PCDHGA1: variants seen among roughly 807,000 people sequenced by gnomAD.
PCDHGA1 encodes the protein protocadherin gamma-A1.
PCDHGA1 carries 32 observed loss-of-function variants against 58.0 expected under a neutral mutation model. The observed-to-expected ratio is 0.55, with a 90% CI of 0.42 to 0.74. The LOEUF is 0.74. Ranked by LOEUF, PCDHGA1 falls within the 30% of genes least tolerant of loss-of-function variation. The pLI, the probability that PCDHGA1 is intolerant of heterozygous loss-of-function variation, is 0.00. For synonymous variants in PCDHGA1, 498 were observed against 501.1 expected (o/e 0.99, Z 0.08); for missense variants, 1,205 against 1,182.3 (o/e 1.02, Z -0.28).
chr5:141,381,583 A>G (rs766567706), intron 1 of PCDHGA1, among the ~76,000 whole-genome samples: 1 of 152,214 alleles, frequency 6.6e-6, no homozygotes, highest in Non-Finnish European at 1.5e-5. Context: ...CAGCCAATCC[A>G]TTATCCAGTT....
At position 141,418,573 on chromosome 5, in the gene PCDHGA1, C is replaced by A. The variant is rs749104686; in HGVS notation, c.2422-76234C>A. 5.0e-6 allele frequency: 8 copies of A among 1,613,826 alleles called. No individual in the cohort carries two copies. The South Asian group carries it at 5.5e-5, about 11-fold the overall frequency. Reference sequence around the variant, plus strand: ...TCCTGGTAATAGATGCCAATGACAACCCCCCAGTGTTCAGCCAGGACGTGT... The same window carrying A: ...TCCTGGTAATAGATGCCAATGACAAACCCCCAGTGTTCAGCCAGGACGTGT... On this transcript the variant is annotated intron_variant, in intron 1 of 3. Transcript: ENST00000517417.
intron 1 of PCDHGA1, chr5:141,410,849 C>CTTTTTTTTTTTTTTGTTTTTTTT (rs2095434772): frequency 7.7e-6 from 1 of 129,786 alleles, no homozygotes; most frequent in Admixed American, 1.1e-4. Flanking sequence ...TTGTCTTTGT[C>CTTTTTTTTTTTTTTGTTTTTTTT]TTTTTTTTTT....
intron 1 of PCDHGA1, chr5:141,362,411 A>G (rs771689350): frequency 6.2e-7 from 1 of 1,614,004 alleles, no homozygotes; most frequent in Non-Finnish European, 8.5e-7. Context: ...GTTGCCTCAC[A>G]ATCAGCCAAG....
intron 1 of PCDHGA1, chr5:141,372,232 A>G: frequency 6.2e-7 from 1 of 1,613,396 alleles, no homozygotes; most frequent in Non-Finnish European, 8.5e-7. Context: ...CAGGCCAGCG[A>G]GCCCGGGCTG....
chr5:141,364,009 G>C (rs1763143334), intron 1 of PCDHGA1, among the ~76,000 whole-genome samples: 1 of 152,092 alleles, frequency 6.6e-6, no homozygotes, highest in Non-Finnish European at 1.5e-5. Context: ...CATAAACAAC[G>C]CTACACAGTT....
intron 2 of PCDHGA1, among the ~76,000 whole-genome samples, chr5:141,502,866 C>CTTTTTTCTT (rs2099816532): frequency 7.8e-6 from 1 of 128,046 alleles, no homozygotes; most frequent in African/African-American, 3.1e-5. Context: ...GACTCTCTGT[C>CTTTTTTCTT]TTTTTTTTTT....
intron 1 of PCDHGA1, chr5:141,360,901 C>A (rs375994239): frequency 1.9e-6 from 3 of 1,614,024 alleles, no homozygotes; most frequent in Non-Finnish European, 2.5e-6. Context: ...GGAGGACGTG[C>A]CGCCGGGCTT....
chr5:141,375,960 TGC>T (rs1772099160), intron 1 of PCDHGA1: 2 of 1,613,220 alleles, frequency 1.2e-6, no homozygotes, highest in South Asian at 2.2e-5. Flanking sequence ...ACGGGCGAGG[TGC>T]GCACGGCGCG....
intron 1 of PCDHGA1, chr5:141,366,971 C>A: frequency 1.7e-6 from 1 of 573,096 alleles, no homozygotes; most frequent in Non-Finnish European, 2.8e-6. Flanking sequence ...GAAACAAATA[C>A]CTTAAAGGAA....
chr5:141,346,161 G>C, intron 1 of PCDHGA1: 1 of 1,614,026 alleles, frequency 6.2e-7, no homozygotes, highest in Non-Finnish European at 8.5e-7. Context: ...CTTCGTCATC[G>C]TGCTGCTGGC....
intron 1 of PCDHGA1, among the ~76,000 whole-genome samples, chr5:141,447,375 T>C (rs1431576261): frequency 6.6e-6 from 1 of 152,030 alleles, no homozygotes; most frequent in African/African-American, 2.4e-5. Context: ...CTGACCCTGG[T>C]GATCTGCCCA....
At position 141,489,207 on chromosome 5, in the gene PCDHGA1, A is replaced by T; in HGVS notation, c.2422-5600A>T. The T allele has an allele frequency of 6.9e-7, 1 of 1,452,692 alleles. No homozygotes were observed. The highest frequency in any genetic ancestry group is 9.3e-7 in the Non-Finnish European group (1 of 1,073,586). 90.0% of individuals were successfully genotyped at this position (1,452,692 alleles called of 1,614,324 possible). ...GGGTCTACCTTGGAGACAGGACAGC[A>T]CAGACTTACTCTCCACAAAGGGACT... On this transcript the variant is annotated intron_variant, in intron 1 of 3. Transcript: ENST00000517417. The surrounding 1 kb of genome is among the most constrained non-coding windows in gnomAD (Gnocchi z 4.5).
Position 141,393,140 on chromosome 5 carries a change from G to A in PCDHGA1, c.2421+60035G>A, listed in dbSNP as rs756948310. The A allele has an allele frequency of 1.9e-6, 3 of 1,613,260 alleles. No individual in the cohort carries two copies. In the South Asian group the frequency reaches 3.3e-5, roughly 18 times the overall value. ...GGTGTCTGATAAATATTAACACCCT[G>A]GTTGAGGATAAAGGAAAACTCTTTG... On this transcript the variant is annotated intron_variant, in intron 1 of 3. Coordinates refer to ENST00000517417, the MANE Select transcript of PCDHGA1 (RefSeq NM_018912.3).
At chr5:141,455,959 G>A (rs112864392) in intron 1 of PCDHGA1, among the ~76,000 whole-genome samples, 2 of 150,430 alleles carry the variant, frequency 1.3e-5, no homozygotes. Flanking sequence ...GTGCAGTGGC[G>A]CGATCTCAGC....
chr5:141,369,045 A>G (rs1239688019), intron 1 of PCDHGA1, among the ~76,000 whole-genome samples: 2 of 152,192 alleles, frequency 1.3e-5, no homozygotes, highest in East Asian at 1.9e-4. Flanking sequence ...TAGAGTAACA[A>G]TACATTATGT....
chr5:141,346,424 A>T lies in PCDHGA1; in HGVS notation c.2421+13319A>T, dbSNP rs773714728. On this transcript the variant is annotated intron_variant, in intron 1 of 3. Coordinates refer to ENST00000517417, the MANE Select transcript of PCDHGA1 (RefSeq NM_018912.3). ...AGCCTCTTCTGATAACTCAGGATTT[A>T]CTTGAAATGAAAGGAGATTCCAACC... 9 of 1,614,238 alleles carry T rather than the reference A, an allele frequency of 5.6e-6. No individual in the cohort carries two copies. The South Asian group carries it at 8.8e-5, about 16-fold the overall frequency.
At chr5:141,392,921 A>T in intron 1 of PCDHGA1, 2 of 1,613,940 alleles carry the variant, frequency 1.2e-6, no homozygotes, top group Non-Finnish European at 1.7e-6. Flanking sequence ...ACTCTGTGCC[A>T]GAAGAGACGG....
In PCDHGA1 at chr5:141,490,540, C is replaced by T; in HGVS notation, c.2422-4267C>T. The T allele has an allele frequency of 6.2e-7, 1 of 1,614,148 alleles. No homozygotes were observed. Among genetic ancestry groups the T allele is most frequent in the Non-Finnish European group, 8.5e-7 (1 of 1,180,024 alleles). ...GGCCAGCGATGCTGGTTCACCTTCC[C>T]TACACAAACATCTCACCATCAGGCT... On this transcript the variant is annotated intron_variant, in intron 1 of 3. Coordinates refer to ENST00000517417, the MANE Select transcript of PCDHGA1 (RefSeq NM_018912.3). This position sits in a 1 kb window ranked among gnomAD's most constrained non-coding sequence, Gnocchi z 5.4.
At chr5:141,494,758 T>A (rs370692038) in intron 1 of PCDHGA1, 49 bp from the exon 2 acceptor site, 2 of 1,613,800 alleles carry the variant, frequency 1.2e-6, no homozygotes, top group Admixed American at 3.3e-5. Context: ...CGGGTGACAT[T>A]CTAACTTCTC....
Sources: gnomAD v4.1 joint callset for allele counts (sites outside exome capture counted in the v4.1 genomes callset) on GRCh38, gnomAD v4.1.1 for gene constraint, Gnocchi (gnomAD v3.1) non-coding constraint, MANE v1.5 for transcripts, NCBI Gene and HGNC (gene_info 2026-07-23, HGNC 2026-07-21) for gene names.